Variants in UNC13C observed in about 807,000 individuals in gnomAD.
UNC13C encodes unc-13 homolog C.
UNC13C carries 174 observed loss-of-function variants against 245.4 expected under a neutral mutation model. That is an observed-to-expected ratio of 0.71 (90% confidence interval 0.63 to 0.80). The LOEUF is 0.80. UNC13C is among the 30% of genes least tolerant of loss of function. The pLI is 0.00. For synonymous variants in UNC13C, 992 were observed against 895.1 expected (o/e 1.11, Z -1.93); for missense variants, 2,829 against 2,602.9 (o/e 1.09, Z -1.89).
intron 10 of UNC13C, among the ~76,000 whole-genome samples, chr15:54,268,462 T>C (rs962745672): frequency 2.6e-5 from 4 of 152,148 alleles, no homozygotes; most frequent in Non-Finnish European, 5.9e-5. Context: ...CATTACATTT[T>C]TCTGCTACTT....
rs1162667047 is a variant in UNC13C, at chr15:54,324,228, T to A, written c.4425+2133T>A. On this transcript the variant is annotated intron_variant, in intron 14 of 32. Coordinates refer to ENST00000260323, the MANE Select transcript of UNC13C (RefSeq NM_001080534.3). ...CCTAAGTATATCTCCTGCCTCTACA[T>A]TGGAACCTCAGGTTTTTATTCACCT... 3.3e-5 allele frequency among the ~76,000 whole-genome samples: 5 copies of A among 152,188 alleles called. 1 individual carries two copies. In the East Asian group the frequency reaches 5.8e-4, roughly 18 times the overall value.
chr15:54,138,566 A>G (rs948255478), intron 2 of UNC13C, among the ~76,000 whole-genome samples: 9 of 152,246 alleles, frequency 5.9e-5, no homozygotes, highest in African/African-American at 1.4e-4. Flanking sequence ...TTTAATGGTC[A>G]CAGATTATTG....
intron 24 of UNC13C, among the ~76,000 whole-genome samples, chr15:54,516,246 G>A (rs948383984): frequency 2.6e-5 from 4 of 152,104 alleles, no homozygotes; most frequent in African/African-American, 4.8e-5. Context: ...AACTTTAAAC[G>A]TGCTGAGGCA....
At chr15:54,236,283 G>C in intron 5 of UNC13C, 147 bp from the exon 6 acceptor site, 1 of 623,236 alleles carries the variant, frequency 1.6e-6, no homozygotes, top group Non-Finnish European at 2.8e-6. Context: ...AGTATAACAT[G>C]TCAGTACATT....
chr15:54,043,136 T>A (rs899211346), intron 2 of UNC13C, among the ~76,000 whole-genome samples: 1 of 152,220 alleles, frequency 6.6e-6, no homozygotes, highest in Admixed American at 6.5e-5. Context: ...TTTGAAATCA[T>A]ACATTTTTAA....
At chr15:54,042,353 CTT>C (rs914605042) in intron 2 of UNC13C, among the ~76,000 whole-genome samples, 2 of 152,178 alleles carry the variant, frequency 1.3e-5, no homozygotes, top group African/African-American at 4.8e-5. Flanking sequence ...TCAATAGTGA[CTT>C]TTCAACCGGA....
the UNC13C span, among the ~76,000 whole-genome samples, chr15:53,860,604 G>C: frequency 2.0e-5 from 3 of 152,140 alleles, no homozygotes; most frequent in Non-Finnish European, 4.4e-5. Flanking sequence ...CCTATTTGAA[G>C]ATAGCTGTGA....
chr15:54,475,514 G>A (rs1477918407), intron 19 of UNC13C, among the ~76,000 whole-genome samples: 1 of 150,134 alleles, frequency 6.7e-6, no homozygotes, highest in Non-Finnish European at 1.5e-5. Flanking sequence ...GTGTCCATGT[G>A]TTCTCATTGT....
At chr15:53,917,543 G>A in the UNC13C span, among the ~76,000 whole-genome samples, 1 of 152,174 alleles carries the variant, frequency 6.6e-6, no homozygotes, top group Non-Finnish European at 1.5e-5. Context: ...CCAGGGAAAT[G>A]AGCACTTCAA....
chr15:54,542,104 C>A (rs1269652255), intron 26 of UNC13C, among the ~76,000 whole-genome samples: 3 of 152,060 alleles, frequency 2.0e-5, no homozygotes, highest in Non-Finnish European at 1.5e-5. Context: ...ACCTAGGTGA[C>A]CGATATCAGA....
the UNC13C span, among the ~76,000 whole-genome samples, chr15:53,888,624 C>G: frequency 6.6e-6 from 1 of 152,154 alleles, no homozygotes; most frequent in Non-Finnish European, 1.5e-5. Flanking sequence ...AGTCTTTGCC[C>G]ATGCCTATGT....
At chr15:54,132,730 T>C (rs1475588061) in intron 2 of UNC13C, among the ~76,000 whole-genome samples, 4 of 152,346 alleles carry the variant, frequency 2.6e-5, no homozygotes, top group South Asian at 4.1e-4. Flanking sequence ...ATACTACACA[T>C]GTATCAAAGT....
intron 24 of UNC13C, chr15:54,512,279 T>A: frequency 2.2e-6 from 1 of 448,828 alleles, no homozygotes; most frequent in Non-Finnish European, 4.5e-6. Flanking sequence ...GTCAAAAATG[T>A]GTTGTGTGAT....
chr15:53,880,498 G>A, the UNC13C span, among the ~76,000 whole-genome samples: 2 of 152,212 alleles, frequency 1.3e-5, no homozygotes, highest in South Asian at 4.1e-4. Context: ...AGAATACAAC[G>A]GCGGGTCAGC....
chr15:54,621,830 C>G (rs1566944574), intron 30 of UNC13C, among the ~76,000 whole-genome samples: 1 of 152,122 alleles, frequency 6.6e-6, no homozygotes, highest in Non-Finnish European at 1.5e-5. Context: ...TTTTAAAATG[C>G]TATCGGTACA....
intron 10 of UNC13C, among the ~76,000 whole-genome samples, chr15:54,284,495 G>A (rs2037089355): frequency 1.3e-5 from 2 of 152,172 alleles, no homozygotes; most frequent in South Asian, 4.1e-4. Context: ...ACAGGTAAGT[G>A]TTCACCAGAG....
intron 19 of UNC13C, among the ~76,000 whole-genome samples, chr15:54,449,590 A>G (rs1050631175): frequency 2.6e-5 from 4 of 152,214 alleles, no homozygotes; most frequent in Non-Finnish European, 4.4e-5. Context: ...TTGTGCATTC[A>G]TCACATAGTT....
chr15:54,415,523 C>T (rs902215705), intron 19 of UNC13C, among the ~76,000 whole-genome samples: 2 of 152,148 alleles, frequency 1.3e-5, no homozygotes, highest in Non-Finnish European at 2.9e-5. Context: ...AAGTACAAAT[C>T]ATTCAGTGTA....
intron 19 of UNC13C, among the ~76,000 whole-genome samples, chr15:54,434,008 A>C (rs2040927792): frequency 6.6e-6 from 1 of 152,128 alleles, no homozygotes; most frequent in Admixed American, 6.6e-5. Flanking sequence ...TAAAATACCT[A>C]GGAATACAAC....
Sources: gnomAD v4.1 joint callset for allele counts (sites outside exome capture counted in the v4.1 genomes callset) on GRCh38, gnomAD v4.1.1 for gene constraint, MANE v1.5 for transcripts, NCBI Gene and HGNC (gene_info 2026-07-23, HGNC 2026-07-21) for gene names.